NTM: variants seen among roughly 807,000 people sequenced by gnomAD.
NTM encodes the protein IgLON family member 2.
In NTM, 13 loss-of-function variants were observed where a neutral mutation model predicts 42.1. The ratio of observed to expected loss-of-function variants is 0.31; its 90% CI spans 0.20 to 0.49. NTM has a LOEUF of 0.49. Ranked by LOEUF, NTM falls within the 20% of genes least tolerant of loss-of-function variation. The pLI is 0.99. For missense variants in NTM, 373 were observed against 452.8 expected (o/e 0.82, Z 1.60); for synonymous variants, 187 against 179.2 (o/e 1.04, Z -0.35).
In NTM at chr11:132,197,864, T is replaced by G. The variant is rs192985251; in HGVS notation, c.401-14158T>G. Among the ~76,000 whole-genome samples, 1,263 of 152,238 alleles carry G rather than the reference T, an allele frequency of 8.3e-3. 12 individuals carry two copies. The highest frequency in any genetic ancestry group is 0.028 in the African/African-American group (1,167 of 41,534). On this transcript the variant is annotated intron_variant, in intron 3 of 8. Transcript: ENST00000683400. ...TATGGCTGCATAGTATTCCATGGTG[T>G]ATATGTGCCACATTTTCTTCATCCA...
At chr11:132,335,019 C>T in intron 8 of NTM, 27 bp from the exon 9 acceptor site, 1 of 1,605,512 alleles carries the variant, frequency 6.2e-7, no homozygotes. Context: ...TCCCAGACCA[C>T]TCACGGCGAG....
chr11:131,848,155 G>A (rs565975629), intron 1 of NTM, among the ~76,000 whole-genome samples: 200 of 152,234 alleles, frequency 1.3e-3, no homozygotes, highest in African/African-American at 4.4e-3. Context: ...TATAAAGTTG[G>A]TATGAAAGAA....
At chr11:131,968,913 G>A (rs2063185814) in intron 2 of NTM, among the ~76,000 whole-genome samples, 1 of 152,168 alleles carries the variant, frequency 6.6e-6, no homozygotes, top group Admixed American at 6.6e-5. Flanking sequence ...AGCCAGTGGT[G>A]TTTAAGAACT....
chr11:131,908,181 T>G (rs2054139532), intron 1 of NTM, among the ~76,000 whole-genome samples: 1 of 152,194 alleles, frequency 6.6e-6, no homozygotes, highest in Non-Finnish European at 1.5e-5. Context: ...GATGGTTTGA[T>G]TGTCTTAGAT....
chr11:131,752,800 C>T (rs201308145), intron 1 of NTM, among the ~76,000 whole-genome samples: 3 of 151,850 alleles, frequency 2.0e-5, no homozygotes, highest in Non-Finnish European at 4.4e-5. Context: ...AGAAGAAAAC[C>T]GCGCATTACC....
rs1555213280 is a variant in NTM, at chr11:132,001,776, G to GCGCA, written c.167+90129_167+90130insGCAC. 1.8e-3 allele frequency among the ~76,000 whole-genome samples: 270 copies of GCGCA among 147,342 alleles called. 1 individual carries two copies. Among genetic ancestry groups the GCGCA allele is most frequent in the African/African-American group, 6.3e-3 (249 of 39,626 alleles). On this transcript the variant is annotated intron_variant, in intron 2 of 8. Coordinates refer to ENST00000683400, the MANE Select transcript of NTM (RefSeq NM_001352005.2). ...ATATCATGCATATACACACAGACAG[G>GCGCA]CACACACACACACACACACACACAT...
chr11:132,066,321 G>T (rs143292717), intron 2 of NTM, among the ~76,000 whole-genome samples: 64 of 152,214 alleles, frequency 4.2e-4, no homozygotes, highest in African/African-American at 1.1e-3. Context: ...TTTTGCTTAC[G>T]TCTTTATTGT....
intron 1 of NTM, among the ~76,000 whole-genome samples, chr11:131,444,398 T>A (rs946176066): frequency 1.3e-5 from 2 of 152,080 alleles, no homozygotes; most frequent in Admixed American, 1.3e-4. Flanking sequence ...GTTCGAGTAA[T>A]ACAAGGTTTG....
chr11:131,733,022 A>C (rs2079897454), intron 1 of NTM, among the ~76,000 whole-genome samples: 1 of 152,128 alleles, frequency 6.6e-6, no homozygotes, highest in Non-Finnish European at 1.5e-5. Flanking sequence ...ATGTGCCATA[A>C]TTTTTTTAAC....
At chr11:131,658,510 G>T (rs542917692) in intron 1 of NTM, among the ~76,000 whole-genome samples, 27 of 152,240 alleles carry the variant, frequency 1.8e-4, no homozygotes, top group Admixed American at 1.2e-3. Flanking sequence ...GTTTGTCCTC[G>T]CATTCTCTCT....
At chr11:132,319,541 C>G (rs926140921) in intron 7 of NTM, among the ~76,000 whole-genome samples, 1 of 152,222 alleles carries the variant, frequency 6.6e-6, no homozygotes, top group African/African-American at 2.4e-5. Context: ...AGTCCGAAAT[C>G]AAACTGCAAG....
chr11:131,894,026 T>A (rs966745131), intron 1 of NTM, among the ~76,000 whole-genome samples: 24 of 152,200 alleles, frequency 1.6e-4, no homozygotes, highest in Non-Finnish European at 3.4e-4. Flanking sequence ...TAGCTTCTTT[T>A]GTGGGAGGCA....
intron 1 of NTM, among the ~76,000 whole-genome samples, chr11:131,848,151 G>A (rs1277200586): frequency 2.0e-5 from 3 of 152,186 alleles, no homozygotes; most frequent in Non-Finnish European, 4.4e-5. Context: ...CAGATATAAA[G>A]TTGGTATGAA....
At chr11:132,112,065 A>G (rs964686156) in intron 2 of NTM, among the ~76,000 whole-genome samples, 1 of 152,160 alleles carries the variant, frequency 6.6e-6, no homozygotes, top group Non-Finnish European at 1.5e-5. Flanking sequence ...TTCCTTTCCC[A>G]TTTGTCCTGA....
chr11:131,525,083 A>AG (rs2050277269), intron 1 of NTM, among the ~76,000 whole-genome samples: 2 of 151,878 alleles, frequency 1.3e-5, no homozygotes, highest in Admixed American at 6.6e-5. Flanking sequence ...AGTAATTCTC[A>AG]GGGGGCGGGT....
intron 2 of NTM, among the ~76,000 whole-genome samples, chr11:131,997,945 A>C: frequency 1.3e-5 from 2 of 148,188 alleles, no homozygotes; most frequent in Admixed American, 6.7e-5. Flanking sequence ...CCTCTCTCCC[A>C]CCTCCCCTTG....
chr11:131,729,908 C>A (rs1368105519), intron 1 of NTM, among the ~76,000 whole-genome samples: 2 of 146,102 alleles, frequency 1.4e-5, no homozygotes, highest in Middle Eastern at 3.6e-3. Context: ...TGAACATTTA[C>A]ATACAGAGTT....
intron 2 of NTM, among the ~76,000 whole-genome samples, chr11:131,970,113 A>C (rs2063345172): frequency 6.6e-6 from 1 of 152,148 alleles, no homozygotes; most frequent in Admixed American, 6.5e-5. Context: ...CCCAGCTAAT[A>C]ATTCTTATAT....
intron 1 of NTM, among the ~76,000 whole-genome samples, chr11:131,447,232 C>G (rs1591690447): frequency 6.6e-6 from 1 of 152,074 alleles, no homozygotes; most frequent in Admixed American, 6.5e-5. Flanking sequence ...GGTTGGAGTG[C>G]CTCGGATGTG....
Sources: gnomAD v4.1 joint callset for allele counts (sites outside exome capture counted in the v4.1 genomes callset) on GRCh38, gnomAD v4.1.1 for gene constraint, MANE v1.5 for transcripts, NCBI Gene and HGNC (gene_info 2026-07-23, HGNC 2026-07-21) for gene names.